Variants in TAOK3 observed in about 807,000 individuals in gnomAD.
The protein encoded by TAOK3 is TAO kinase 3.
A neutral mutation model predicts 120.4 loss-of-function variants in TAOK3; 40 were observed. That is an observed-to-expected ratio of 0.33 (90% CI 0.26 to 0.43). The LOEUF (loss-of-function observed/expected upper bound fraction) is 0.43, where lower values mean the gene tolerates loss of function less well. TAOK3 is among the 20% of genes least tolerant of loss of function. The pLI is 1.00. For synonymous variants in TAOK3, 355 were observed against 387.5 expected (o/e 0.92, Z 0.99); for missense variants, 821 against 1,112.1 (o/e 0.74, Z 3.72).
intron 15 of TAOK3, among the ~76,000 whole-genome samples, chr12:118,179,647 T>G (rs558374093): frequency 1.3e-5 from 2 of 151,534 alleles, no homozygotes; most frequent in Admixed American, 1.3e-4. Context: ...CCTTCTGTTT[T>G]TTTTTTTTTT....
intron 16 of TAOK3, among the ~76,000 whole-genome samples, chr12:118,176,641 C>T (rs114032422): frequency 4.3e-4 from 65 of 151,968 alleles, no homozygotes; most frequent in African/African-American, 1.5e-3. Context: ...TCAAACTCTA[C>T]CCCAGAAAAT....
intron 1 of TAOK3, among the ~76,000 whole-genome samples, chr12:118,267,074 T>G (rs1421145215): frequency 6.6e-6 from 1 of 152,212 alleles, no homozygotes; most frequent in East Asian, 1.9e-4. Context: ...CAGCACGCGG[T>G]AATGCTACTG....
chr12:118,311,619 A>AT (rs10711332), intron 1 of TAOK3, among the ~76,000 whole-genome samples: 3 of 149,644 alleles, frequency 2.0e-5, no homozygotes, highest in Non-Finnish European at 3.0e-5. Context: ...GAGTTGAATA[A>AT]TTTTTTTTTT....
chr12:118,179,410 A>C (rs1382449510), intron 15 of TAOK3, among the ~76,000 whole-genome samples: 3 of 152,208 alleles, frequency 2.0e-5, no homozygotes, highest in Non-Finnish European at 2.9e-5. Context: ...CTGCAGACAT[A>C]AATCACCTCT....
chr12:118,165,708 T>A (rs2035536809), intron 17 of TAOK3, among the ~76,000 whole-genome samples: 1 of 152,184 alleles, frequency 6.6e-6, no homozygotes, highest in African/African-American at 2.4e-5. Context: ...GCAGTACACA[T>A]TGTGAACTAT....
intron 1 of TAOK3, among the ~76,000 whole-genome samples, chr12:118,275,620 C>A (rs895784476): frequency 4.6e-5 from 7 of 152,254 alleles, no homozygotes; most frequent in African/African-American, 1.7e-4. Context: ...TACTTTTAGT[C>A]ATTTACTTTA....
In TAOK3 at chr12:118,357,767, GC is replaced by G. The variant is rs2045455917; in HGVS notation, c.-194+14880del. Among the ~76,000 whole-genome samples the G allele has an allele frequency of 2.6e-5, 4 of 152,108 alleles. No individual in the cohort carries two copies. The South Asian group carries it at 8.3e-4, about 32-fold the overall frequency. ...TATAACATTCAGACAATCATAAAAGGCCTCTCAATGAAAGCTGAAATTAACA... is the reference window on the plus strand; with the variant it reads ...TATAACATTCAGACAATCATAAAAGGCTCTCAATGAAAGCTGAAATTAACA... On this transcript the variant is annotated intron_variant, in intron 1 of 20. Coordinates refer to ENST00000392533, the MANE Select transcript of TAOK3 (RefSeq NM_016281.4).
intron 3 of TAOK3, among the ~76,000 whole-genome samples, chr12:118,248,607 T>C (rs2040619258): frequency 6.6e-6 from 1 of 152,090 alleles, no homozygotes; most frequent in African/African-American, 2.4e-5. Flanking sequence ...TTTAACTTCT[T>C]GTGAGGTTTT....
intron 9 of TAOK3, among the ~76,000 whole-genome samples, chr12:118,231,935 A>G (rs559260944): frequency 2.6e-5 from 4 of 150,960 alleles, no homozygotes; most frequent in African/African-American, 7.3e-5. Context: ...AAAAAAAAAG[A>G]AAAAAAGAAA....
At chr12:118,354,910 A>C (rs1755094341) in intron 1 of TAOK3, among the ~76,000 whole-genome samples, 1 of 151,892 alleles carries the variant, frequency 6.6e-6, no homozygotes, top group South Asian at 2.1e-4. Context: ...AAACAGACTA[A>C]TACATCCTGT....
chr12:118,310,983 C>T (rs1333737690), intron 1 of TAOK3, among the ~76,000 whole-genome samples: 4 of 152,160 alleles, frequency 2.6e-5, no homozygotes, highest in Non-Finnish European at 4.4e-5. Context: ...CTGGCTATAT[C>T]TACAAAGTTT....
chr12:118,248,673 T>A (rs998707384), intron 3 of TAOK3, among the ~76,000 whole-genome samples: 2 of 152,084 alleles, frequency 1.3e-5, no homozygotes. Flanking sequence ...TAAAATCAGA[T>A]AGTATTATTA....
At chr12:118,188,089 A>G (rs1486503534) in intron 14 of TAOK3, among the ~76,000 whole-genome samples, 1 of 152,156 alleles carries the variant, frequency 6.6e-6, no homozygotes, top group East Asian at 1.9e-4. Flanking sequence ...GTGTGGCAAG[A>G]GAGAAAAAAG....
At chr12:118,344,131 T>C (rs548386172) in intron 1 of TAOK3, among the ~76,000 whole-genome samples, 1 of 151,320 alleles carries the variant, frequency 6.6e-6, no homozygotes, top group South Asian at 2.1e-4. Flanking sequence ...TTCAATGCTG[T>C]TTCTTTTATT....
At chr12:118,362,046 C>T (rs971749827) in intron 1 of TAOK3, among the ~76,000 whole-genome samples, 8 of 152,004 alleles carry the variant, frequency 5.3e-5, no homozygotes, top group East Asian at 3.9e-4. Flanking sequence ...TTTAAAATAA[C>T]GAAACCTTTT....
chr12:118,353,549 T>C (rs1242883550), intron 1 of TAOK3, among the ~76,000 whole-genome samples: 1 of 151,964 alleles, frequency 6.6e-6, no homozygotes, highest in Non-Finnish European at 1.5e-5. Context: ...TGAAGCTCTC[T>C]GAAAAGGGAG....
intron 16 of TAOK3, among the ~76,000 whole-genome samples, chr12:118,173,239 G>A (rs1263864813): frequency 1.3e-5 from 2 of 152,202 alleles, no homozygotes; most frequent in Non-Finnish European, 2.9e-5. Flanking sequence ...GAAACATGGT[G>A]CCATCAAGGG....
intron 1 of TAOK3, among the ~76,000 whole-genome samples, chr12:118,325,978 C>CCA (rs2043921143): frequency 6.6e-6 from 1 of 152,178 alleles, no homozygotes; most frequent in Non-Finnish European, 1.5e-5. Flanking sequence ...CAGCACCCAG[C>CCA]CTGTCTCTTC....
intron 5 of TAOK3, among the ~76,000 whole-genome samples, chr12:118,242,424 G>C (rs2040293094): frequency 6.6e-6 from 1 of 152,226 alleles, no homozygotes; most frequent in Non-Finnish European, 1.5e-5. Context: ...CAGGAAAGGA[G>C]TTGGTACATG....
Sources: allele counts gnomAD v4.1 joint callset (sites outside exome capture counted in the v4.1 genomes callset), GRCh38; gene constraint gnomAD v4.1.1; transcripts MANE v1.5; gene names NCBI Gene and HGNC (gene_info 2026-07-23, HGNC 2026-07-21).